The following MDGA2 variants were observed in gnomAD, a reference collection of about 807,000 sequenced individuals.
The protein encoded by MDGA2 is MAM domain-containing glycosylphosphatidylinositol anchor protein 2.
Under a neutral mutation model 117.8 loss-of-function variants are expected in MDGA2, and 40 were observed. The observed-to-expected ratio is 0.34, with a 90% CI of 0.26 to 0.44. The LOEUF (loss-of-function observed/expected upper bound fraction) is 0.44, where lower values mean the gene tolerates loss of function less well. Among genes scored for constraint, MDGA2 ranks in the 20% least tolerant of loss-of-function variants. The pLI, the probability that MDGA2 is intolerant of heterozygous loss-of-function variation, is 1.00. For missense variants in MDGA2, 1,123 were observed against 1,250.6 expected, an observed-to-expected ratio of 0.90 and a Z score of 1.54; for synonymous variants, 452 against 439.0, an observed-to-expected ratio of 1.03 and a Z score of -0.37.
intron 1 of MDGA2, among the ~76,000 whole-genome samples, chr14:47,394,982 G>A (rs112808973): frequency 6.2e-4 from 95 of 152,024 alleles, no homozygotes; most frequent in African/African-American, 2.2e-3. Context: ...TGAGACCCCC[G>A]TCTCTGCAAA....
intron 8 of MDGA2, among the ~76,000 whole-genome samples, chr14:46,969,092 T>C (rs1290678137): frequency 6.6e-6 from 1 of 152,198 alleles, no homozygotes; most frequent in Non-Finnish European, 1.5e-5. Context: ...TTATTTTTTA[T>C]GGCTGCATGG....
intron 2 of MDGA2, among the ~76,000 whole-genome samples, chr14:47,221,059 T>A (rs1017798522): frequency 2.0e-5 from 3 of 152,216 alleles, no homozygotes; most frequent in African/African-American, 7.2e-5. Flanking sequence ...TAGATATTCA[T>A]TTAATGAATA....
chr14:47,483,761 G>T (rs923219952), intron 1 of MDGA2, among the ~76,000 whole-genome samples: 4 of 152,112 alleles, frequency 2.6e-5, no homozygotes, highest in African/African-American at 9.7e-5. Flanking sequence ...GCAAATCTCA[G>T]CAGGCAGTGA....
At chr14:47,349,660 A>C (rs1890835700) in intron 1 of MDGA2, among the ~76,000 whole-genome samples, 1 of 152,218 alleles carries the variant, frequency 6.6e-6, no homozygotes, top group Admixed American at 6.5e-5. Context: ...TTTAAAAAAA[A>C]CATGAATTAG....
intron 10 of MDGA2, among the ~76,000 whole-genome samples, chr14:46,917,560 C>A (rs1883949302): frequency 6.6e-6 from 1 of 151,912 alleles, no homozygotes; most frequent in Non-Finnish European, 1.5e-5. Flanking sequence ...CCAAGTGTGT[C>A]TGGAATTCAT....
chr14:47,014,897 C>T (rs1343805785), intron 8 of MDGA2, among the ~76,000 whole-genome samples: 1 of 152,168 alleles, frequency 6.6e-6, no homozygotes, highest in Non-Finnish European at 1.5e-5. Flanking sequence ...GTGCAAAAGG[C>T]CTAGCTTTCA....
intron 1 of MDGA2, among the ~76,000 whole-genome samples, chr14:47,398,859 C>G (rs1566768904): frequency 6.6e-6 from 1 of 152,134 alleles, no homozygotes; most frequent in Admixed American, 6.5e-5. Context: ...TAGTATTTAA[C>G]TATTTCTAGC....
At chr14:47,512,049 T>C (rs1894653114) in intron 1 of MDGA2, among the ~76,000 whole-genome samples, 1 of 152,160 alleles carries the variant, frequency 6.6e-6, no homozygotes, top group African/African-American at 2.4e-5. Context: ...CAGTAAAGTC[T>C]TTGTCAAGGA....
intron 3 of MDGA2, among the ~76,000 whole-genome samples, chr14:47,162,535 T>C (rs1347469639): frequency 6.6e-6 from 1 of 151,972 alleles, no homozygotes; most frequent in Non-Finnish European, 1.5e-5. Context: ...TGTGATTTCC[T>C]CTTTCTCCTC....
At chr14:47,373,874 A>G (rs1255956709) in intron 1 of MDGA2, among the ~76,000 whole-genome samples, 1 of 152,182 alleles carries the variant, frequency 6.6e-6, no homozygotes, top group East Asian at 1.9e-4. Context: ...TTTTTTCAAC[A>G]TGATAACTGT....
At chr14:47,303,000 T>C (rs2416040) in intron 1 of MDGA2, among the ~76,000 whole-genome samples, 151,672 of 152,240 alleles carry the variant, frequency 1, 75,557 homozygotes, top group Middle Eastern at 1. Context: ...ATCAAAATGA[T>C]GGGTAAAAGT....
intron 1 of MDGA2, among the ~76,000 whole-genome samples, chr14:47,585,272 C>T (rs1298349350): frequency 1.3e-5 from 2 of 151,762 alleles, no homozygotes; most frequent in African/African-American, 4.8e-5. Context: ...CCCAACTCTC[C>T]AGATGTTGGT....
intron 1 of MDGA2, among the ~76,000 whole-genome samples, chr14:47,546,321 G>A (rs1378187983): frequency 6.6e-6 from 1 of 152,106 alleles, no homozygotes; most frequent in Admixed American, 6.5e-5. Flanking sequence ...GAAGAAAGGA[G>A]TCCTGCTGGA....
At chr14:47,121,044 A>C (rs1345039484) in intron 5 of MDGA2, among the ~76,000 whole-genome samples, 1 of 152,176 alleles carries the variant, frequency 6.6e-6, no homozygotes, top group Non-Finnish European at 1.5e-5. Context: ...TGAAGATTTA[A>C]CAAAAATGTA....
At chr14:47,521,536 T>G (rs554157723) in intron 1 of MDGA2, among the ~76,000 whole-genome samples, 1 of 152,258 alleles carries the variant, frequency 6.6e-6, no homozygotes, top group East Asian at 1.9e-4. Flanking sequence ...TAATAATTTG[T>G]CCAAAGCACC....
intron 15 of MDGA2, among the ~76,000 whole-genome samples, chr14:46,848,375 C>G (rs980803796): frequency 2.0e-5 from 3 of 151,868 alleles, no homozygotes; most frequent in African/African-American, 7.2e-5. Context: ...AGATGGGAGT[C>G]ATATAAAATG....
chr14:46,901,836 C>G (rs926917508), intron 10 of MDGA2, among the ~76,000 whole-genome samples: 3 of 152,140 alleles, frequency 2.0e-5, no homozygotes, highest in African/African-American at 7.2e-5. Context: ...GCATGGCAGT[C>G]TTAACTGAGA....
chr14:47,071,759 T>A (rs1890290062), intron 6 of MDGA2, among the ~76,000 whole-genome samples: 1 of 152,128 alleles, frequency 6.6e-6, no homozygotes, highest in Non-Finnish European at 1.5e-5. Flanking sequence ...ATTCCTCAAA[T>A]AAACAACAAA....
intron 10 of MDGA2, among the ~76,000 whole-genome samples, chr14:46,887,285 A>G (rs973546648): frequency 2.6e-5 from 4 of 151,984 alleles, no homozygotes; most frequent in Non-Finnish European, 4.4e-5. Context: ...ATTTAGCCCT[A>G]TTTCATGAAT....
Sources: gnomAD v4.1 joint callset for allele counts (sites outside exome capture counted in the v4.1 genomes callset) on GRCh38, gnomAD v4.1.1 for gene constraint, MANE v1.5 for transcripts, NCBI Gene and HGNC (gene_info 2026-07-23, HGNC 2026-07-21) for gene names.